The following NR4A2 variants were observed in gnomAD, a reference collection of about 807,000 sequenced individuals.
NR4A2 encodes the protein NGFI-B/nur77 beta-type transcription factor homolog.
Under a neutral mutation model 50.5 loss-of-function variants are expected in NR4A2, and 1 was observed. That is an observed-to-expected ratio of 0.02 (90% CI 0.01 to 0.09). The LOEUF is 0.09. Among genes scored for constraint, NR4A2 ranks in the 10% least tolerant of loss-of-function variants. NR4A2 has a pLI of 1.00. For synonymous variants in NR4A2, 328 were observed against 309.4 expected (o/e 1.06, Z -0.63); for missense variants, 613 against 777.3 (o/e 0.79, Z 2.51).
chr2:156,326,085 G>A lies in NR4A2; in HGVS notation c.1540+65C>T. The A allele has an allele frequency of 6.2e-7, 1 of 1,613,338 alleles. No homozygotes were observed. Among genetic ancestry groups the A allele is most frequent in the East Asian group, 2.2e-5 (1 of 44,874 alleles). ...AAACCAAGGAGAATCTGTGACAAGG[G>A]AAACTCAGGACAAATCCTGCTAGGC... On this transcript the variant is annotated intron_variant, in intron 7 of 7. Transcript: ENST00000339562. The surrounding 1 kb of genome is among the most constrained non-coding windows in gnomAD (Gnocchi z 4.2).
In NR4A2 at chr2:156,332,628, GGCC is replaced by G. The variant is rs756447087; in HGVS notation, c.-278_-276del. 4 of 612,332 alleles carry G rather than the reference GGCC, an allele frequency of 6.5e-6. No individual in the cohort carries two copies. The highest frequency in any genetic ancestry group is 1.1e-5 in the Non-Finnish European group (4 of 374,892). The allele number at this position is 612,332 out of a possible 1,614,324, so 37.9% of individuals were successfully genotyped here. A position where few individuals can be genotyped will look rare whatever the true frequency, so the allele number is the denominator to read the frequency against. On this transcript the variant is annotated 5_prime_UTR_variant, in exon 1 of 8. Coordinates refer to ENST00000339562, the MANE Select transcript of NR4A2 (RefSeq NM_006186.4). ...ACGGAGGGAGGGAGCAGGGACAGGCGGCCGGCTGGACAGGCAAAAGGGACCGCG... is the reference window on the plus strand; with the variant it reads ...ACGGAGGGAGGGAGCAGGGACAGGCGGGCTGGACAGGCAAAAGGGACCGCG...
intron 1 of NR4A2, among the ~76,000 whole-genome samples, 178 bp downstream of exon 1, chr2:156,332,302 C>G (rs995212979): frequency 6.6e-6 from 1 of 152,180 alleles, no homozygotes; most frequent in African/African-American, 2.4e-5. Context: ...AGCCGGAGTT[C>G]GAACAAATGC....
Position 156,329,189 on chromosome 2 carries a change from C to G in NR4A2, c.864+134G>C. On this transcript the variant is annotated intron_variant, in intron 3 of 7. Transcript: ENST00000339562. This position sits in a 1 kb window ranked among gnomAD's most constrained non-coding sequence, Gnocchi z 7.5. ...CCCATGGTCTCCTGCAGGGCAGCTT[C>G]GGCGGACCCCGGAGAGCTGGGCAGT... 1.5e-6 allele frequency: 2 copies of G among 1,319,034 alleles called. No homozygotes were observed. Among genetic ancestry groups the G allele is most frequent in the Non-Finnish European group, 2.1e-6 (2 of 948,726 alleles). 81.7% of individuals were successfully genotyped at this position (1,319,034 alleles called of 1,614,324 possible).
Position 156,324,892 on chromosome 2 carries a change from G to A in NR4A2, c.*852C>T, listed in dbSNP as rs913396086. 11 of 152,624 alleles carry A rather than the reference G, an allele frequency of 7.2e-5. No individual in the cohort carries two copies. The highest frequency in any genetic ancestry group is 4.6e-4 in the Admixed American group (7 of 15,280). The allele number at this position is 152,624 out of a possible 1,614,324, so 9.5% of individuals were successfully genotyped here. A position where few individuals can be genotyped will look rare whatever the true frequency, so the allele number is the denominator to read the frequency against. ...GTCCCTTTTGTCAGGATTTTCTGAT[G>A]TGTAATACTTGTGCCCACCTATTTT... On this transcript the variant is annotated 3_prime_UTR_variant, in exon 8 of 8. Coordinates refer to ENST00000339562, the MANE Select transcript of NR4A2 (RefSeq NM_006186.4).
intron 1 of NR4A2, chr2:156,331,712 CCTCT>C (rs953183284): frequency 6.6e-6 from 1 of 152,198 alleles, no homozygotes; most frequent in African/African-American, 2.4e-5. Flanking sequence ...AAGCCAGTAT[CCTCT>C]CTTTTTATTC....
At chr2:156,327,601 T>G (rs575077530) in intron 5 of NR4A2, among the ~76,000 whole-genome samples, 2 of 152,080 alleles carry the variant, frequency 1.3e-5, no homozygotes, top group Admixed American at 1.3e-4. Context: ...GTAGTGGGAA[T>G]TCACACAGCT....
chr2:156,327,024 T>C (rs977241759), intron 5 of NR4A2, 104 bp from the exon 6 acceptor site: 10 of 1,023,614 alleles, frequency 9.8e-6, no homozygotes, highest in African/African-American at 1.6e-5. Flanking sequence ...TTTATAACAA[T>C]TAAACCTCTC....
At chr2:156,327,010 G>T in intron 5 of NR4A2, 90 bp from the exon 6 acceptor site, 2 of 1,229,780 alleles carry the variant, frequency 1.6e-6, no homozygotes, top group African/African-American at 1.5e-5. Context: ...AGGGGAGCCA[G>T]GTTTTTATAA....
In NR4A2 at chr2:156,329,598, G is replaced by A; in HGVS notation, c.589C>T (p.Pro197Ser). ...TCCGGGTTCATGGGGACGTGCAGGGGCCCGTCGAAGCGCATCTGGCAACTA... is the reference window on the plus strand; with the variant it reads ...TCCGGGTTCATGGGGACGTGCAGGGACCCGTCGAAGCGCATCTGGCAACTA... ...VSSCQMRFDGPLHVPMNPEPA... is the reference protein window; with the variant it reads ...VSSCQMRFDGSLHVPMNPEPA... The change falls in exon 3 of 8, where the codon CCC becomes TCC. Residue 197 changes from proline (P) to serine (S), a missense_variant. Around this residue, in one of 4 missense-constraint regions of NR4A2, gnomAD observed 275 missense variants for 248.9 expected, o/e 1.10. Coordinates refer to ENST00000339562, the MANE Select transcript of NR4A2 (RefSeq NM_006186.4). The surrounding 1 kb of genome is among the most constrained non-coding windows in gnomAD (Gnocchi z 7.5). 2 of 1,608,712 alleles carry A rather than the reference G, an allele frequency of 1.2e-6. No homozygotes were observed. Among genetic ancestry groups the A allele is most frequent in the Non-Finnish European group, 1.7e-6 (2 of 1,177,430 alleles).
Position 156,328,590 on chromosome 2 carries a change from A to G in NR4A2, c.865-57T>C. ...TTTTTCTTCTTTTGAAAATCAGGCA[A>G]CTCGGAGAAAATTTCTGTTATGTGA... On this transcript the variant is annotated intron_variant, in intron 3 of 7. Coordinates refer to ENST00000339562, the MANE Select transcript of NR4A2 (RefSeq NM_006186.4). This position sits in a 1 kb window ranked among gnomAD's most constrained non-coding sequence, Gnocchi z 4.9. 6.2e-7 allele frequency: 1 copy of G among 1,612,100 alleles called. No individual in the cohort carries two copies. The highest frequency in any genetic ancestry group is 8.5e-7 in the Non-Finnish European group (1 of 1,179,068).
In NR4A2 at chr2:156,330,566, C is replaced by T. The variant is rs899376793; in HGVS notation, c.-3+102G>A. The T allele has an allele frequency of 1.3e-5, 16 of 1,253,382 alleles. No homozygotes were observed. In the African/African-American group the frequency reaches 2.1e-4, roughly 17 times the overall value. 77.6% of individuals were successfully genotyped at this position (1,253,382 alleles called of 1,614,324 possible). A position where few individuals can be genotyped will look rare whatever the true frequency, so the allele number is the denominator to read the frequency against. ...ACAATGAGAAAGTTGTTCCCGAAGG[C>T]GATGGGTCGGGCAAACCTTAAGTTA... On this transcript the variant is annotated intron_variant, in intron 2 of 7. Transcript: ENST00000339562.
chr2:156,328,657 C>A lies in NR4A2; in HGVS notation c.865-124G>T. 1.7e-6 allele frequency: 2 copies of A among 1,150,208 alleles called. No individual in the cohort carries two copies. The highest frequency in any genetic ancestry group is 2.4e-5 in the East Asian group (1 of 41,792). The allele number at this position is 1,150,208 out of a possible 1,614,324, so 71.3% of individuals were successfully genotyped here. ...CTCCCCACAAACAAACACATACACA[C>A]AATTCCATTTTATTTTTTTCTCTTC... On this transcript the variant is annotated intron_variant, in intron 3 of 7. Coordinates refer to ENST00000339562, the MANE Select transcript of NR4A2 (RefSeq NM_006186.4). The surrounding 1 kb of genome is among the most constrained non-coding windows in gnomAD (Gnocchi z 4.9).
In NR4A2 at chr2:156,326,745, T is replaced by C; in HGVS notation, c.1334A>G (p.Glu445Gly). ...GTATGCTAATCGAAGGACAAACAGT[T>C]CTAAGAAAGCTGATTCAAAAAGCAG... ...QDLLFESAFL[E>G]LFVLRLAYRS... Residue 445 changes from glutamate (E) to glycine (G), a missense_variant, in exon 6 of 8, where the codon GAA becomes GGA. Transcript: ENST00000339562. This position sits in a 1 kb window ranked among gnomAD's most constrained non-coding sequence, Gnocchi z 4.2. The C allele has an allele frequency of 6.2e-7, 1 of 1,614,118 alleles. No homozygotes were observed. The highest frequency in any genetic ancestry group is 8.5e-7 in the Non-Finnish European group (1 of 1,180,010).
rs2105617777 is a variant in NR4A2 at position 156,330,659 on chromosome 2, TG to T, written c.-3+8del. 1 of 1,286,932 alleles carries T rather than the reference TG, an allele frequency of 7.8e-7. No homozygotes were observed. Among genetic ancestry groups the T allele is most frequent in the African/African-American group, 1.5e-5 (1 of 66,544 alleles). 79.7% of individuals were successfully genotyped at this position (1,286,932 alleles called of 1,614,324 possible). On this transcript the variant is annotated splice_region_variant and intron_variant, in intron 2 of 7. Transcript: ENST00000339562. ...GGAGAGTAAAGGAAAGAAATGAAGTTGCACTAACCTTCAGCCGAGTTACAGG... is the reference window on the plus strand; with the variant it reads ...GGAGAGTAAAGGAAAGAAATGAAGTTCACTAACCTTCAGCCGAGTTACAGG...
At chr2:156,327,021 C>T (rs1274508366) in intron 5 of NR4A2, 101 bp from the exon 6 acceptor site, 3 of 1,035,026 alleles carry the variant, frequency 2.9e-6, no homozygotes, top group Non-Finnish European at 3.0e-6. Context: ...GTTTTTATAA[C>T]AATTAAACCT....
rs545695352 is a variant in NR4A2 at position 156,327,905 on chromosome 2, G to T, written c.1104C>A (p.Leu368=). 5.0e-6 allele frequency: 8 copies of T among 1,596,238 alleles called. No individual in the cohort carries two copies. Among genetic ancestry groups the T allele is most frequent in the Middle Eastern group, 1.7e-4 (1 of 6,022 alleles). Residue 368 remains leucine (L), a synonymous_variant, in exon 5 of 8, where the codon CTC becomes CTA. Coordinates refer to ENST00000339562, the MANE Select transcript of NR4A2 (RefSeq NM_006186.4). ...PSPPVSLISA[L]VRAHVDSNPA... ...GGTTGGAGTCGACATGGGCCCTGAC[G>T]AGGGCACTGATCAGACTCACCGGGG...
In NR4A2 at chr2:156,325,388, C is replaced by T; in HGVS notation, c.*356G>A. ...ATTTGTCTGAACTGCAACAACCAAG[C>T]ATGGCCAAACATTTCCCATTATACA... On this transcript the variant is annotated 3_prime_UTR_variant, in exon 8 of 8. Transcript: ENST00000339562. The T allele has an allele frequency of 5.9e-6, 2 of 338,406 alleles. No homozygotes were observed. The highest frequency in any genetic ancestry group is 1.5e-4 in the East Asian group (2 of 13,312). The allele number at this position is 338,406 out of a possible 1,614,324, so 21.0% of individuals were successfully genotyped here. A position where few individuals can be genotyped will look rare whatever the true frequency, so the allele number is the denominator to read the frequency against.
At position 156,326,772 on chromosome 2, in the gene NR4A2, T is replaced by A; in HGVS notation, c.1307A>T (p.Asp436Val). The change falls in exon 6 of 8, where the codon GAC becomes GTC. Residue 436 changes from aspartate (D) to valine (V), a missense_variant. Physicochemically the swap from Asp to Val is radical, Grantham distance 152 (BLOSUM62 -3). Transcript: ENST00000339562. This position sits in a 1 kb window ranked among gnomAD's most constrained non-coding sequence, Gnocchi z 4.2. ...TAAGAAAGCTGATTCAAAAAGCAGG[T>A]CTTGGTCGGCTTTGGGCAGGTCTGC... Reference protein sequence around the residue: ...GFADLPKADQDLLFESAFLEL... With the variant: ...GFADLPKADQVLLFESAFLEL... 1 of 1,614,132 alleles carries A rather than the reference T, an allele frequency of 6.2e-7. No individual in the cohort carries two copies. The highest frequency in any genetic ancestry group is 8.5e-7 in the Non-Finnish European group (1 of 1,180,020).
In NR4A2 at chr2:156,328,025, A is replaced by G. The variant is rs961675956; in HGVS notation, c.995-11T>C. On this transcript the variant is annotated splice_polypyrimidine_tract_variant and intron_variant, in intron 4 of 7. Coordinates refer to ENST00000339562, the MANE Select transcript of NR4A2 (RefSeq NM_006186.4). This position sits in a 1 kb window ranked among gnomAD's most constrained non-coding sequence, Gnocchi z 4.9. ...TGTCTGTGCGAACCACTGCAAAGGA[A>G]GAGCCCTGTTAGCGCCGCTTTTCCG... 3.7e-6 allele frequency: 6 copies of G among 1,603,088 alleles called. No homozygotes were observed. Among genetic ancestry groups the G allele is most frequent in the Non-Finnish European group, 5.1e-6 (6 of 1,174,310 alleles).
Sources: allele counts gnomAD v4.1 joint callset (sites outside exome capture counted in the v4.1 genomes callset), GRCh38; gene constraint gnomAD v4.1.1; regional missense constraint gnomAD v4.1.1; non-coding constraint Gnocchi (gnomAD v3.1); transcripts MANE v1.5; gene names NCBI Gene and HGNC (gene_info 2026-07-23, HGNC 2026-07-21).